Variants in WDFY4 observed in about 807,000 individuals in gnomAD.
The protein encoded by WDFY4 is WDFY family member 4.
Under a neutral mutation model 351.9 loss-of-function variants are expected in WDFY4, and 169 were observed. That is an observed-to-expected ratio of 0.48 (90% confidence interval 0.42 to 0.55). WDFY4 has a LOEUF of 0.55. Ranked by LOEUF, WDFY4 falls within the 20% of genes least tolerant of loss-of-function variation. WDFY4 has a pLI of 0.00. For synonymous variants in WDFY4, 1,622 were observed against 1,574.6 expected, an observed-to-expected ratio of 1.03 and a Z score of -0.71; for missense variants, 3,803 against 3,935.6, an observed-to-expected ratio of 0.97 and a Z score of 0.90.
intron 1 of WDFY4, among the ~76,000 whole-genome samples, chr10:48,686,075 TGGCCAGAGAGGTA>T: frequency 6.6e-6 from 1 of 152,230 alleles, no homozygotes; most frequent in South Asian, 2.1e-4. Context: ...CCTGGGGTTC[TGGCCAGAGAGGTA>T]GGGAACAGGG....
chr10:48,853,704 G>C (rs983501800), intron 39 of WDFY4, among the ~76,000 whole-genome samples: 4 of 152,224 alleles, frequency 2.6e-5, no homozygotes, highest in African/African-American at 4.8e-5. Flanking sequence ...TCTCATTAAA[G>C]ATTCAGCTAA....
intron 57 of WDFY4, among the ~76,000 whole-genome samples, chr10:48,973,834 C>T (rs1334251419): frequency 6.6e-6 from 1 of 152,200 alleles, no homozygotes; most frequent in East Asian, 1.9e-4. Context: ...CAGACCAGGC[C>T]CCACACAAGC....
chr10:48,880,814 TCA>T (rs975156811), intron 43 of WDFY4, among the ~76,000 whole-genome samples: 5 of 152,076 alleles, frequency 3.3e-5, no homozygotes, highest in African/African-American at 1.2e-4. Flanking sequence ...GCTCCCAAGC[TCA>T]GTTTCCCCAG....
chr10:48,913,817 C>T, intron 47 of WDFY4: 1 of 1,614,098 alleles, frequency 6.2e-7, no homozygotes, highest in Non-Finnish European at 8.5e-7. Context: ...GCTCCACGGG[C>T]AGCCCGTTGC....
At position 48,774,558 on chromosome 10, in the gene WDFY4, C is replaced by G; in HGVS notation, c.2654C>G (p.Thr885Ser). Residue 885 changes from threonine to serine, a missense_variant, in exon 14 of 62, where the codon ACC becomes AGC. Physicochemically the swap from Thr to Ser is moderately conservative, Grantham distance 58. This residue lies in a region of WDFY4 where 3,054 missense variants were observed against 3,148.6 expected (regional missense o/e 0.97). Transcript: ENST00000325239. ...QVMCEAGLLG[T>S]LMASCHRALV... ...ATGTGCGAAGCAGGCTTGCTTGGGA[C>G]CCTCATGGCCTCCTGCCACAGGGCC... 2 of 1,551,566 alleles carry G rather than the reference C, an allele frequency of 1.3e-6. No individual in the cohort carries two copies. The highest frequency in any genetic ancestry group is 1.7e-6 in the Non-Finnish European group (2 of 1,146,902).
intron 1 of WDFY4, among the ~76,000 whole-genome samples, chr10:48,706,707 C>T (rs1268893554): frequency 6.6e-6 from 1 of 152,186 alleles, no homozygotes; most frequent in Non-Finnish European, 1.5e-5. Flanking sequence ...TTAGATCCAA[C>T]TATTTCCTTT....
chr10:48,725,904 C>T lies in WDFY4; in HGVS notation c.615C>T (p.Asp205=), dbSNP rs2064252605. 2 of 1,547,802 alleles carry T rather than the reference C, an allele frequency of 1.3e-6. No homozygotes were observed. The highest frequency in any genetic ancestry group is 1.7e-6 in the Non-Finnish European group (2 of 1,143,788). ...FVQMLLNICS[D]SQGLEGLLSG... ...AGATGTTGCTCAATATTTGCAGTGA[C>T]TCTCAGGGCCTGGAGGGACTCCTCT... The change falls in exon 6 of 62, where the codon GAC becomes GAT. Residue 205 remains aspartate, a synonymous_variant. Transcript: ENST00000325239.
At chr10:48,687,813 G>A (rs11101428) in intron 1 of WDFY4, among the ~76,000 whole-genome samples, 51,309 of 140,876 alleles carry the variant, frequency 0.36, 9,266 homozygotes, top group Middle Eastern at 0.44. Context: ...ACAGATTCTT[G>A]TTCTGTCACC....
At chr10:48,944,069 A>G (rs968874351) in intron 49 of WDFY4, among the ~76,000 whole-genome samples, 3 of 152,210 alleles carry the variant, frequency 2.0e-5, no homozygotes, top group African/African-American at 7.2e-5. Flanking sequence ...AGATGGTGCC[A>G]TGGGTCAGCC....
At chr10:48,705,542 C>T (rs1730808714) in intron 1 of WDFY4, among the ~76,000 whole-genome samples, 1 of 152,112 alleles carries the variant, frequency 6.6e-6, no homozygotes, top group African/African-American at 2.4e-5. Flanking sequence ...CAAGCCTACT[C>T]CCTGTTTCCT....
intron 52 of WDFY4, among the ~76,000 whole-genome samples, chr10:48,958,222 G>A (rs1185989107): frequency 6.6e-6 from 1 of 152,224 alleles, no homozygotes; most frequent in Non-Finnish European, 1.5e-5. Flanking sequence ...GAGAAGGCCA[G>A]ACAGTGAGCC....
chr10:48,907,175 A>T (rs1389185754), intron 47 of WDFY4, among the ~76,000 whole-genome samples: 1 of 152,198 alleles, frequency 6.6e-6, no homozygotes, highest in Admixed American at 6.5e-5. Context: ...GCTCAGTTAC[A>T]TTGCTTTCTA....
intron 19 of WDFY4, among the ~76,000 whole-genome samples, chr10:48,780,793 G>A (rs749800487): frequency 1.5e-4 from 23 of 152,190 alleles, no homozygotes; most frequent in Non-Finnish European, 5.9e-5. Flanking sequence ...GTTCCAGGGA[G>A]AGCATCCCAA....
intron 13 of WDFY4, among the ~76,000 whole-genome samples, chr10:48,763,659 T>C (rs2065581844): frequency 6.6e-6 from 1 of 152,246 alleles, no homozygotes; most frequent in Admixed American, 6.5e-5. Flanking sequence ...ATGACAGTAA[T>C]TGGACAAATG....
chr10:48,885,382 TA>T (rs1267451098), intron 43 of WDFY4, among the ~76,000 whole-genome samples: 5 of 152,350 alleles, frequency 3.3e-5, no homozygotes, highest in African/African-American at 1.2e-4. Flanking sequence ...GATCAGTCCT[TA>T]GTGAACACAG....
At chr10:48,787,807 CTCTTCTTCTTCTTCT>C (rs1555010319) in intron 20 of WDFY4, among the ~76,000 whole-genome samples, 36 of 76,742 alleles carry the variant, frequency 4.7e-4, no homozygotes, top group African/African-American at 1.3e-3. Context: ...CCTCCTCCTC[CTCTTCTTCTTCTTCT>C]TCTTCTTCTT....
At position 48,915,207 on chromosome 10, in the gene WDFY4, G is replaced by A. The variant is rs557623150; in HGVS notation, c.7586+13344G>A. 1.7e-4 allele frequency among the ~76,000 whole-genome samples: 26 copies of A among 152,266 alleles called. No individual in the cohort carries two copies. In the South Asian group the frequency reaches 3.1e-3, roughly 18 times the overall value. On this transcript the variant is annotated intron_variant, in intron 47 of 61. Coordinates refer to ENST00000325239, the MANE Select transcript of WDFY4 (RefSeq NM_001394531.1). ...CACTTATAACAGTGCCTGGTACATA[G>A]TAATAGCTTGATTAATGTTAGTTAT...
chr10:48,890,859 T>TA (rs1354378146), intron 44 of WDFY4, 132 bp downstream of exon 44: 1 of 1,314,706 alleles, frequency 7.6e-7, no homozygotes. Context: ...AGCCATGAGA[T>TA]AAAACAGAAG....
At chr10:48,718,914 A>G (rs2063991289) in intron 2 of WDFY4, among the ~76,000 whole-genome samples, 2 of 152,226 alleles carry the variant, frequency 1.3e-5, no homozygotes, top group Admixed American at 6.5e-5. Flanking sequence ...ATCCTAAATA[A>G]TAAGGGGAAA....
Sources: allele counts gnomAD v4.1 joint callset (sites outside exome capture counted in the v4.1 genomes callset), GRCh38; gene constraint gnomAD v4.1.1; regional missense constraint gnomAD v4.1.1; transcripts MANE v1.5; gene names NCBI Gene and HGNC (gene_info 2026-07-23, HGNC 2026-07-21).